Variants in ITGAM observed in about 807,000 individuals in gnomAD.
ITGAM encodes the protein integrin alpha-M.
A neutral mutation model predicts 137.5 loss-of-function variants in ITGAM; 79 were observed. That is an observed-to-expected ratio of 0.57 (90% CI 0.48 to 0.69). The LOEUF is 0.69. Ranked by LOEUF, ITGAM falls within the 30% of genes least tolerant of loss-of-function variation. The pLI is 0.00. For missense variants in ITGAM, 1,343 were observed against 1,483.5 expected (o/e 0.91, Z 1.56); for synonymous variants, 583 against 592.3 (o/e 0.98, Z 0.23).
At chr16:31,292,061 G>C (rs2080092564) in intron 12 of ITGAM, among the ~76,000 whole-genome samples, 1 of 151,864 alleles carries the variant, frequency 6.6e-6, no homozygotes, top group Non-Finnish European at 1.5e-5. Flanking sequence ...CTATAAATAT[G>C]TGCAATTATT....
intron 14 of ITGAM, among the ~76,000 whole-genome samples, chr16:31,314,304 C>T (rs1043113156): frequency 6.6e-6 from 1 of 152,086 alleles, no homozygotes; most frequent in Non-Finnish European, 1.5e-5. Context: ...AGATTTTGCC[C>T]ATGCCTATGC....
intron 12 of ITGAM, among the ~76,000 whole-genome samples, chr16:31,283,996 C>A (rs2079998878): frequency 1.3e-5 from 2 of 152,190 alleles, no homozygotes; most frequent in Admixed American, 1.3e-4. Flanking sequence ...AGTTCCACTC[C>A]AGACCCTGTT....
At chr16:31,330,227 G>A in intron 26 of ITGAM, 63 bp downstream of exon 26, 1 of 1,593,926 alleles carries the variant, frequency 6.3e-7, no homozygotes, top group African/African-American at 1.3e-5. Flanking sequence ...GCTGGAACCT[G>A]TATGGTCTCT....
At chr16:31,275,458 A>C in intron 8 of ITGAM, 91 bp from the exon 9 acceptor site, 1 of 1,333,310 alleles carries the variant, frequency 7.5e-7, no homozygotes, top group South Asian at 1.3e-5. Context: ...CTTGATAAAT[A>C]ATGGTTCAGA....
chr16:31,330,076 C>T lies in ITGAM; in HGVS notation c.2977-5C>T, dbSNP rs1193713178. On this transcript the variant is annotated splice_region_variant and splice_polypyrimidine_tract_variant and intron_variant, in intron 25 of 29. Transcript: ENST00000544665. ...TGCCCCTTCTCAGTGCGTCTCTTTC[C>T]TCAGAACCTCTCGAGTACGTGCCAC... is the stretch of plus-strand genomic sequence containing the variant. 2 of 1,613,124 alleles carry T rather than the reference C, an allele frequency of 1.2e-6. No homozygotes were observed. Among genetic ancestry groups the T allele is most frequent in the South Asian group, 2.2e-5 (2 of 90,896 alleles).
intron 5 of ITGAM, among the ~76,000 whole-genome samples, chr16:31,268,063 C>T (rs1484353811): frequency 6.6e-6 from 1 of 152,126 alleles, no homozygotes; most frequent in Non-Finnish European, 1.5e-5. Context: ...AATCGATAGC[C>T]ATGAAAACAA....
At chr16:31,290,559 C>A (rs1597001807) in intron 12 of ITGAM, among the ~76,000 whole-genome samples, 1 of 152,020 alleles carries the variant, frequency 6.6e-6, no homozygotes. Context: ...ATACTCTCAG[C>A]CGACTAGGAA....
intron 14 of ITGAM, among the ~76,000 whole-genome samples, chr16:31,317,147 T>C (rs1292739495): frequency 6.6e-6 from 1 of 152,182 alleles, no homozygotes; most frequent in Non-Finnish European, 1.5e-5. Context: ...GAAATAGAAG[T>C]GGTGAGTGTG....
chr16:31,281,303 C>A (rs1024514862), intron 12 of ITGAM, among the ~76,000 whole-genome samples: 2 of 152,144 alleles, frequency 1.3e-5, no homozygotes, highest in African/African-American at 4.8e-5. Flanking sequence ...GGTACCATCT[C>A]CTCCTTGTAC....
intron 14 of ITGAM, among the ~76,000 whole-genome samples, chr16:31,302,593 G>A (rs1410610065): frequency 6.6e-6 from 1 of 150,952 alleles, no homozygotes; most frequent in Non-Finnish European, 1.5e-5. Context: ...GGAGTGCAGT[G>A]GAGTGAGCTC....
intron 12 of ITGAM, among the ~76,000 whole-genome samples, chr16:31,293,969 A>G (rs9923767): frequency 0.25 from 38,164 of 152,004 alleles, 7,862 homozygotes; most frequent in African/African-American, 0.57. Context: ...GGTTAGCTGT[A>G]TTCCTAGTTA....
At position 31,297,834 on chromosome 16, in the gene ITGAM, C is replaced by T. The variant is rs777804734; in HGVS notation, c.1587C>T (p.Asp529=). The T allele has an allele frequency of 1.5e-5, 24 of 1,613,422 alleles. No homozygotes were observed. Among genetic ancestry groups the T allele is most frequent in the Non-Finnish European group, 1.6e-5 (19 of 1,179,806 alleles). Residue 529 remains aspartate, a synonymous_variant, in exon 14 of 30, where the codon GAC becomes GAT. Coordinates refer to ENST00000544665, the MANE Select transcript of ITGAM (RefSeq NM_000632.4). The part of the protein sequence containing the change: ...RFGAALTVLG[D]VNGDKLTDVA... ...GGGCAGCCCTAACAGTGCTGGGGGA[C>T]GTAAATGGGGACAAGCTGACGGACG...
In ITGAM at chr16:31,297,971, G is replaced by C; in HGVS notation, c.1707+17G>C. 1.3e-6 allele frequency: 2 copies of C among 1,599,432 alleles called. No homozygotes were observed. The highest frequency in any genetic ancestry group is 1.7e-4 in the Middle Eastern group (1 of 6,038). On this transcript the variant is annotated intron_variant, in intron 14 of 29. Coordinates refer to ENST00000544665, the MANE Select transcript of ITGAM (RefSeq NM_000632.4). ...CATAGCCAGGTGAGACCTGGTCACT[G>C]TCCTTGTCATGACAGTAGCCTCTTT...
rs1174276450 is a variant in ITGAM at position 31,265,659 on chromosome 16, A to G, written c.239-152A>G. The stretch of plus-strand genomic sequence containing the variant: ...TCTCTACCCTAGACATCCCCAGGCA[A>G]CCCCTCTGTGTTCCTTTCTTTCCCA... On this transcript the variant is annotated intron_variant, in intron 3 of 29. Coordinates refer to ENST00000544665, the MANE Select transcript of ITGAM (RefSeq NM_000632.4). 2.6e-5 allele frequency among the ~76,000 whole-genome samples: 4 copies of G among 151,848 alleles called. No individual in the cohort carries two copies. In the East Asian group the frequency reaches 7.7e-4, roughly 29 times the overall value.
At chr16:31,329,676 C>T (rs7193268) in intron 24 of ITGAM, 122 bp from the exon 25 acceptor site, 123,502 of 736,286 alleles carry the variant, frequency 0.17, 12,085 homozygotes, top group African/African-American at 0.29. Flanking sequence ...ACACTCTACT[C>T]TCTCAAACAG....
Position 31,265,448 on chromosome 16 carries a change from T to C in ITGAM, c.188T>C (p.Leu63Pro), listed in dbSNP as rs760706832. The C allele has an allele frequency of 6.2e-7, 1 of 1,607,860 alleles. No homozygotes were observed. The highest frequency in any genetic ancestry group is 8.5e-7 in the Non-Finnish European group (1 of 1,177,488). The change falls in exon 3 of 30, where the codon CTC (leucine) becomes CCC (proline). Residue 63 changes from leucine to proline, a missense_variant. Transcript: ENST00000544665. ...GTGGCTGCCAACCAAAGGGGCAGCC[T>C]CTACCAGTGCGACTACAGCACAGGC... Reference protein sequence around the residue: ...EIVAANQRGSLYQCDYSTGSC... With the variant: ...EIVAANQRGSPYQCDYSTGSC...
In ITGAM at chr16:31,278,026, C is replaced by T; in HGVS notation, c.1273C>T (p.Arg425Ter). Residue 425 changes from arginine (R) to a stop codon, truncating the protein, a stop_gained, in exon 12 of 30, where the codon CGA becomes TGA. Coordinates refer to ENST00000544665, the MANE Select transcript of ITGAM (RefSeq NM_000632.4). LOFTEE classifies it high-confidence loss of function. ...RVQSLVLGAPRYQHIGLVAMF... is the reference protein window; with the variant it reads ...RVQSLVLGAP ...GCAAAGCCTGGTTCTGGGGGCACCT[C>T]GATATCAGCACATCGGCCTGGTAGC... The T allele has an allele frequency of 1.2e-6, 2 of 1,606,524 alleles. No individual in the cohort carries two copies. Among genetic ancestry groups the T allele is most frequent in the Non-Finnish European group, 8.5e-7 (1 of 1,176,672 alleles).
intron 12 of ITGAM, among the ~76,000 whole-genome samples, chr16:31,296,597 G>T (rs771136953): frequency 1.3e-5 from 2 of 152,100 alleles, no homozygotes; most frequent in Non-Finnish European, 2.9e-5. Flanking sequence ...CAGAAATCAC[G>T]TTGCAGAGCC....
At chr16:31,282,830 T>A (rs1387010969) in intron 12 of ITGAM, among the ~76,000 whole-genome samples, 2 of 152,130 alleles carry the variant, frequency 1.3e-5, no homozygotes, top group Non-Finnish European at 2.9e-5. Context: ...TCTTTACAAT[T>A]TGGTATGTTT....
Sources: gnomAD v4.1 joint callset for allele counts (sites outside exome capture counted in the v4.1 genomes callset) on GRCh38, gnomAD v4.1.1 for gene constraint, MANE v1.5 for transcripts, NCBI Gene and HGNC (gene_info 2026-07-23, HGNC 2026-07-21) for gene names.